Variants in PLCH1 observed in about 807,000 individuals in gnomAD.
PLCH1 encodes the protein phospholipase C eta 1.
Under a neutral mutation model 126.7 loss-of-function variants are expected in PLCH1, and 60 were observed. The observed-to-expected ratio is 0.47, with a 90% CI of 0.38 to 0.59. The LOEUF is 0.59. PLCH1 is among the 20% of genes least tolerant of loss of function. PLCH1 has a pLI of 0.00. For missense variants in PLCH1, 1,723 were observed against 2,040.0 expected (o/e 0.84, Z 2.99); for synonymous variants, 719 against 734.9 (o/e 0.98, Z 0.35).
At chr3:155,589,198 T>C (rs1731775968) in intron 4 of PLCH1, among the ~76,000 whole-genome samples, 1 of 152,114 alleles carries the variant, frequency 6.6e-6, no homozygotes, top group African/African-American at 2.4e-5. Context: ...GGCAAACTTT[T>C]CTGTAAAGGG....
intron 2 of PLCH1, among the ~76,000 whole-genome samples, chr3:155,603,615 C>CA (rs1219718251): frequency 6.6e-6 from 1 of 152,122 alleles, no homozygotes; most frequent in Non-Finnish European, 1.5e-5. Context: ...CCTAAAAAGG[C>CA]ATTTTTCTCT....
rs1560128177 is a variant in PLCH1 at position 155,537,201 on chromosome 3, CCA to C, written c.1362+12584_1362+12585del. ...GCTAGCACTACAAAAAAAAAAAAAACCAAAAAAAAAAAAAAAAAAAAAAAAAA... is the reference window on the plus strand; with the variant it reads ...GCTAGCACTACAAAAAAAAAAAAAACAAAAAAAAAAAAAAAAAAAAAAAAA... On this transcript the variant is annotated intron_variant, in intron 10 of 22. Coordinates refer to ENST00000460012, the MANE Select transcript of PLCH1 (RefSeq NM_014996.4). 9.9e-4 allele frequency among the ~76,000 whole-genome samples: 131 copies of C among 132,116 alleles called. 1 individual carries two copies. The highest frequency in any genetic ancestry group is 3.5e-3 in the African/African-American group (118 of 33,568). 86.7% of individuals were successfully genotyped at this position (132,116 alleles called of 152,430 possible).
intron 10 of PLCH1, among the ~76,000 whole-genome samples, chr3:155,545,934 C>T (rs1482559097): frequency 6.6e-6 from 1 of 152,072 alleles, no homozygotes; most frequent in Non-Finnish European, 1.5e-5. Context: ...CAATATCATA[C>T]TGAATGGGCA....
At chr3:155,650,809 G>A (rs1310877174) in intron 2 of PLCH1, among the ~76,000 whole-genome samples, 1 of 152,158 alleles carries the variant, frequency 6.6e-6, no homozygotes, top group East Asian at 1.9e-4. Context: ...AGGCCGAGGC[G>A]GGTGGATTAC....
At chr3:155,684,790 C>T (rs939775445) in intron 2 of PLCH1, among the ~76,000 whole-genome samples, 4 of 152,152 alleles carry the variant, frequency 2.6e-5, no homozygotes, top group Non-Finnish European at 4.4e-5. Flanking sequence ...AAATCAACTC[C>T]TTTGTCTCTC....
At chr3:155,537,239 AAGG>A (rs1723556461) in intron 10 of PLCH1, among the ~76,000 whole-genome samples, 1 of 110,390 alleles carries the variant, frequency 9.1e-6, no homozygotes, top group African/African-American at 3.2e-5. Flanking sequence ...AAAAACCTAA[AAGG>A]AGTGCTAAAT....
intron 4 of PLCH1, among the ~76,000 whole-genome samples, chr3:155,592,280 C>A (rs1732290726): frequency 7.4e-6 from 1 of 135,438 alleles, no homozygotes; most frequent in Admixed American, 8.1e-5. Flanking sequence ...GTCAGGAGAT[C>A]AAGACCATCC....
chr3:155,506,604 T>A lies in PLCH1; in HGVS notation c.1633-1978A>T, dbSNP rs1364034457. 4.0e-4 allele frequency among the ~76,000 whole-genome samples: 56 copies of A among 138,722 alleles called. 1 individual carries two copies. The highest frequency in any genetic ancestry group is 3.7e-3 in the Admixed American group (51 of 13,650). 91.0% of individuals were successfully genotyped at this position (138,722 alleles called of 152,430 possible). On this transcript the variant is annotated intron_variant, in intron 12 of 22. Coordinates refer to ENST00000460012, the MANE Select transcript of PLCH1 (RefSeq NM_014996.4). The stretch of plus-strand genomic sequence containing the variant: ...ACCTATGAGTGAGAATATGCGGTGT[T>A]TGGTTTTTTGTTCTTGCGATAGTTT...
At chr3:155,634,221 G>A (rs946198783) in intron 2 of PLCH1, among the ~76,000 whole-genome samples, 1 of 152,138 alleles carries the variant, frequency 6.6e-6, no homozygotes, top group Non-Finnish European at 1.5e-5. Flanking sequence ...GACCAAAAGA[G>A]GGCTGTAAGA....
At chr3:155,733,908 C>T (rs1362998020) in intron 1 of PLCH1, among the ~76,000 whole-genome samples, 4 of 125,730 alleles carry the variant, frequency 3.2e-5, no homozygotes, top group African/African-American at 1.2e-4. Context: ...TCTTAAAAGA[C>T]AACATACAAA....
At chr3:155,744,210 C>G (rs1749819973) in intron 1 of PLCH1, among the ~76,000 whole-genome samples, 1 of 152,148 alleles carries the variant, frequency 6.6e-6, no homozygotes, top group African/African-American at 2.4e-5. Context: ...GCCAAGGAAA[C>G]GCCGCGCAGG....
chr3:155,614,505 G>C lies in PLCH1; in HGVS notation c.80-18127C>G, dbSNP rs187533811. On this transcript the variant is annotated intron_variant, in intron 2 of 22. Transcript: ENST00000460012. ...AGACTAAGTAAAAAGAACAAATCTG[G>C]AGGCATCACATTACCCAACTTCAAA... is the stretch of plus-strand genomic sequence containing the variant. Among the ~76,000 whole-genome samples, 22 of 152,054 alleles carry C rather than the reference G, an allele frequency of 1.4e-4. No individual in the cohort carries two copies. In the East Asian group the frequency reaches 3.5e-3, roughly 24 times the overall value.
intron 1 of PLCH1, among the ~76,000 whole-genome samples, chr3:155,704,784 CA>C (rs893837214): frequency 2.0e-5 from 3 of 152,114 alleles, no homozygotes; most frequent in Non-Finnish European, 2.9e-5. Context: ...TGCTGGTGTC[CA>C]TTTAGGACTG....
At chr3:155,533,188 C>A (rs1294141329) in intron 10 of PLCH1, among the ~76,000 whole-genome samples, 1 of 152,170 alleles carries the variant, frequency 6.6e-6, no homozygotes, top group Non-Finnish European at 1.5e-5. Flanking sequence ...GAAATTGGAA[C>A]TTATGTTTAA....
At chr3:155,619,383 A>T (rs1328705557) in intron 2 of PLCH1, among the ~76,000 whole-genome samples, 2 of 151,852 alleles carry the variant, frequency 1.3e-5, no homozygotes, top group Non-Finnish European at 2.9e-5. Flanking sequence ...GGGAGTGCCT[A>T]TTCCATACTC....
chr3:155,728,664 T>C (rs1390828403), intron 1 of PLCH1, among the ~76,000 whole-genome samples: 1 of 152,172 alleles, frequency 6.6e-6, no homozygotes, highest in African/African-American at 2.4e-5. Context: ...CCCTACTAAG[T>C]ATGGCAGAGC....
rs939352597 is a variant in PLCH1, at chr3:155,513,250, CAT to C, written c.1632+1471_1632+1472del. 7.9e-5 allele frequency among the ~76,000 whole-genome samples: 12 copies of C among 152,294 alleles called. No individual in the cohort carries two copies. In the Middle Eastern group the frequency reaches 0.024, roughly 302 times the overall value. ...GTGAACCAAAACCATATTTTTAAAA[CAT>C]AGCAGTGTTAAAAACCTCAAAAATA... On this transcript the variant is annotated intron_variant, in intron 12 of 22. Coordinates refer to ENST00000460012, the MANE Select transcript of PLCH1 (RefSeq NM_014996.4).
At chr3:155,598,275 T>C (rs1733244908) in intron 2 of PLCH1, among the ~76,000 whole-genome samples, 1 of 152,166 alleles carries the variant, frequency 6.6e-6, no homozygotes, top group South Asian at 2.1e-4. Flanking sequence ...TTGATATAAA[T>C]TAGTATATTC....
At chr3:155,612,804 G>C (rs1735287413) in intron 2 of PLCH1, among the ~76,000 whole-genome samples, 1 of 150,802 alleles carries the variant, frequency 6.6e-6, no homozygotes, top group South Asian at 2.1e-4. Context: ...GCTACTTGGA[G>C]GGCTGAGACA....
Sources: gnomAD v4.1 joint callset for allele counts (sites outside exome capture counted in the v4.1 genomes callset) on GRCh38, gnomAD v4.1.1 for gene constraint, MANE v1.5 for transcripts, NCBI Gene and HGNC (gene_info 2026-07-23, HGNC 2026-07-21) for gene names.